Variants in SLC38A10 observed in about 807,000 individuals in gnomAD.
The protein encoded by SLC38A10 is solute carrier family 38 member 10.
SLC38A10 carries 53 observed loss-of-function variants against 81.0 expected under a neutral mutation model. The ratio of observed to expected loss-of-function variants is 0.65; its 90% CI spans 0.53 to 0.82. The LOEUF (loss-of-function observed/expected upper bound fraction) is 0.82, where lower values mean the gene tolerates loss of function less well. Ranked by LOEUF, SLC38A10 falls within the 40% of genes least tolerant of loss-of-function variation. The probability of loss-of-function intolerance (pLI) is 0.00; values close to 1 mark genes in which losing one functional copy is unlikely to be tolerated. For missense variants in SLC38A10, 1,471 were observed against 1,545.0 expected (o/e 0.95, Z 0.80); for synonymous variants, 665 against 655.3 (o/e 1.01, Z -0.23).
In SLC38A10 at chr17:81,246,907, GTCC is replaced by G; in HGVS notation, c.2217_2219del (p.Glu739del). On this transcript the variant is annotated inframe_deletion, in exon 15 of 16. Coordinates refer to ENST00000374759, the MANE Select transcript of SLC38A10 (RefSeq NM_001037984.3). ...TACCCTGCCTGGGTTTATCCTCCTC[GTCC>G]TCCTGCCTCTGCTGGTGGATCTCCT... The G allele has an allele frequency of 6.2e-7, 1 of 1,602,054 alleles. No homozygotes were observed. Among genetic ancestry groups the G allele is most frequent in the Non-Finnish European group, 8.5e-7 (1 of 1,174,764 alleles).
intron 11 of SLC38A10, among the ~76,000 whole-genome samples, chr17:81,254,913 G>A (rs1433195364): frequency 6.6e-6 from 1 of 152,274 alleles, no homozygotes; most frequent in Non-Finnish European, 1.5e-5. Flanking sequence ...GGGAGGCTGG[G>A]GAGGGGAAGG....
At position 81,245,067 on chromosome 17, in the gene SLC38A10, T is replaced by G; in HGVS notation, c.*489A>C. On this transcript the variant is annotated 3_prime_UTR_variant, in exon 16 of 16. Coordinates refer to ENST00000374759, the MANE Select transcript of SLC38A10 (RefSeq NM_001037984.3). Reference sequence around the variant, plus strand: ...TGTGGGAAGCATCGATAAACAGTCATAATAATTATCATTCTGAGTCACTGC... The same window carrying G: ...TGTGGGAAGCATCGATAAACAGTCAGAATAATTATCATTCTGAGTCACTGC... 6.3e-6 allele frequency: 1 copy of G among 159,464 alleles called. No individual in the cohort carries two copies. Among genetic ancestry groups the G allele is most frequent in the Non-Finnish European group, 1.4e-5 (1 of 73,052 alleles). 9.9% of individuals were successfully genotyped at this position (159,464 alleles called of 1,614,324 possible).
chr17:81,260,998 A>G (rs2063018327), intron 10 of SLC38A10, among the ~76,000 whole-genome samples: 1 of 152,226 alleles, frequency 6.6e-6, no homozygotes, highest in Non-Finnish European at 1.5e-5. Flanking sequence ...AGCTGGCACC[A>G]TGCATGGGCA....
At chr17:81,246,803 C>G in intron 15 of SLC38A10, 82 bp downstream of exon 15, 1 of 1,509,878 alleles carries the variant, frequency 6.6e-7, no homozygotes, top group Non-Finnish European at 8.9e-7. Flanking sequence ...TAGAGGCCAC[C>G]GAGCCTCAGA....
intron 5 of SLC38A10, 145 bp downstream of exon 5, chr17:81,282,044 T>G: frequency 8.1e-7 from 1 of 1,237,204 alleles, no homozygotes; most frequent in Non-Finnish European, 1.2e-6. Context: ...GAATGGCACT[T>G]CCTGGTACAT....
In SLC38A10 at chr17:81,246,430, G is replaced by A; in HGVS notation, c.2486C>T (p.Ala829Val). Residue 829 changes from alanine to valine, a missense_variant, in exon 16 of 16, where the codon GCC (alanine) becomes GTC (valine). Ala to Val is a moderately conservative substitution (Grantham distance 64). This residue lies in a region of SLC38A10 where 751 missense variants were observed against 717.4 expected (regional missense o/e 1.05). Coordinates refer to ENST00000374759, the MANE Select transcript of SLC38A10 (RefSeq NM_001037984.3). Reference sequence around the variant, plus strand: ...CTGGCCATCTCTCAGCTTGGCCTGGGCTGCCCGAGGCTCTGTGTCAGGGCC... The same window carrying A: ...CTGGCCATCTCTCAGCTTGGCCTGGACTGCCCGAGGCTCTGTGTCAGGGCC... The part of the protein sequence containing the change: ...DGGPDTEPRA[A>V]QAKLRDGQKD... 5 of 1,595,756 alleles carry A rather than the reference G, an allele frequency of 3.1e-6. No homozygotes were observed. The highest frequency in any genetic ancestry group is 4.3e-6 in the Non-Finnish European group (5 of 1,171,850).
intron 1 of SLC38A10, among the ~76,000 whole-genome samples, chr17:81,294,541 A>G (rs1473036440): frequency 6.6e-6 from 1 of 152,146 alleles, no homozygotes; most frequent in Non-Finnish European, 1.5e-5. Context: ...ATTCTGGAGG[A>G]TCATTTTGCT....
At chr17:81,278,234 A>C (rs2063179527) in intron 6 of SLC38A10, among the ~76,000 whole-genome samples, 1 of 152,108 alleles carries the variant, frequency 6.6e-6, no homozygotes, top group Admixed American at 6.5e-5. Context: ...TAAAAAGCAA[A>C]CCAGGCCAGG....
chr17:81,248,561 A>G (rs893765117), intron 14 of SLC38A10, among the ~76,000 whole-genome samples: 2 of 152,260 alleles, frequency 1.3e-5, no homozygotes, highest in Non-Finnish European at 2.9e-5. Flanking sequence ...ATGTTTTCAA[A>G]TTATTATAGG....
chr17:81,245,891 C>T lies in SLC38A10; in HGVS notation c.3025G>A (p.Val1009Ile), dbSNP rs763331318. The change falls in exon 16 of 16, where the codon GTC becomes ATC. Residue 1009 changes from valine (V) to isoleucine (I), a missense_variant. Transcript: ENST00000374759. ...EQPRGGEDAAVQEPRQRPEPE... is the reference protein window; with the variant it reads ...EQPRGGEDAAIQEPRQRPEPE... ...TCTGGCCTCTGCCTGGGCTCCTGGA[C>T]AGCAGCGTCCTCCCCGCCTCTCGGC... is the stretch of plus-strand genomic sequence containing the variant. 1.9e-6 allele frequency: 3 copies of T among 1,612,206 alleles called. No homozygotes were observed. The highest frequency in any genetic ancestry group is 1.7e-6 in the Non-Finnish European group (2 of 1,179,574).
At chr17:81,246,855 C>T (rs2062856937) in intron 15 of SLC38A10, 30 bp downstream of exon 15, 1 of 1,560,308 alleles carries the variant, frequency 6.4e-7, no homozygotes. Flanking sequence ...TGCCTGGCCC[C>T]ACCCCACTCC....
intron 14 of SLC38A10, chr17:81,251,093 AT>A (rs1375957339): frequency 6.7e-7 from 1 of 1,493,582 alleles, no homozygotes; most frequent in Non-Finnish European, 8.9e-7. Flanking sequence ...AAACCTCCAC[AT>A]CTGGGTGCAG....
At chr17:81,262,669 C>T (rs1279748304) in intron 10 of SLC38A10, among the ~76,000 whole-genome samples, 2 of 152,312 alleles carry the variant, frequency 1.3e-5, no homozygotes, top group South Asian at 4.1e-4. Flanking sequence ...TTGCCACCGG[C>T]TGGTCAGGAC....
intron 11 of SLC38A10, among the ~76,000 whole-genome samples, chr17:81,258,518 T>C (rs2062992789): frequency 1.3e-5 from 2 of 151,900 alleles, no homozygotes. Flanking sequence ...GGCGGCGCAG[T>C]GCTAAGGGGA....
At chr17:81,262,687 T>C (rs1402200214) in intron 10 of SLC38A10, among the ~76,000 whole-genome samples, 1 of 152,104 alleles carries the variant, frequency 6.6e-6, no homozygotes, top group Admixed American at 6.5e-5. Flanking sequence ...GACAGGAGAC[T>C]CCCCAGGTGG....
intron 14 of SLC38A10, chr17:81,251,031 G>A: frequency 7.0e-7 from 1 of 1,427,752 alleles, no homozygotes; most frequent in Non-Finnish European, 9.2e-7. Flanking sequence ...CTAGGACCAG[G>A]GCGGGCACAG....
At chr17:81,272,741 G>A in intron 8 of SLC38A10, 114 bp from the exon 9 acceptor site, 1 of 640,152 alleles carries the variant, frequency 1.6e-6, no homozygotes, top group Non-Finnish European at 2.5e-6. Context: ...TCCACGTGAG[G>A]CCGGCCGCGC....
At position 81,246,012 on chromosome 17, in the gene SLC38A10, C is replaced by A; in HGVS notation, c.2904G>T (p.Glu968Asp). 6.2e-7 allele frequency: 1 copy of A among 1,608,776 alleles called. No homozygotes were observed. Among genetic ancestry groups the A allele is most frequent in the Non-Finnish European group, 8.5e-7 (1 of 1,177,976 alleles). Reference protein sequence around the residue: ...QPELRVISDGEQGGQQGHRLD... With the variant: ...QPELRVISDGDQGGQQGHRLD... Reference sequence around the variant, plus strand: ...GCCGGTGGCCCTGCTGTCCACCCTGCTCGCCATCAGAGATGACCCGCAGTT... The same window carrying A: ...GCCGGTGGCCCTGCTGTCCACCCTGATCGCCATCAGAGATGACCCGCAGTT... Residue 968 changes from glutamate to aspartate, a missense_variant, in exon 16 of 16, where the codon GAG (glutamate) becomes GAT (aspartate). Transcript: ENST00000374759.
chr17:81,256,642 G>A (rs1320249017), intron 11 of SLC38A10, among the ~76,000 whole-genome samples: 2 of 152,382 alleles, frequency 1.3e-5, no homozygotes, highest in East Asian at 3.9e-4. Context: ...CGCCACACTC[G>A]CAAGAGGTGA....
Sources: gnomAD v4.1 joint callset for allele counts (sites outside exome capture counted in the v4.1 genomes callset) on GRCh38, gnomAD v4.1.1 for gene constraint, gnomAD v4.1.1 regional missense constraint, MANE v1.5 for transcripts, NCBI Gene and HGNC (gene_info 2026-07-23, HGNC 2026-07-21) for gene names.